ANKS1B: variants seen among roughly 807,000 people sequenced by gnomAD.
ANKS1B encodes ankyrin repeat and sterile alpha motif domain containing 1B, also known as ankyrin repeat and sterile alpha motif domain-containing protein 1B.
Under a neutral mutation model 148.3 loss-of-function variants are expected in ANKS1B, and 36 were observed. The observed-to-expected ratio is 0.24, with a 90% CI of 0.19 to 0.32. The LOEUF (loss-of-function observed/expected upper bound fraction) is 0.32. ANKS1B is among the 10% of genes least tolerant of loss of function. The probability of loss-of-function intolerance (pLI) is 1.00; values close to 1 mark genes in which losing one functional copy is unlikely to be tolerated. For synonymous variants in ANKS1B, 542 were observed against 560.8 expected, an observed-to-expected ratio of 0.97 and a Z score of 0.47; for missense variants, 1,157 against 1,542.6, an observed-to-expected ratio of 0.75 and a Z score of 4.19.
intron 17 of ANKS1B, among the ~76,000 whole-genome samples, chr12:98,876,729 C>T (rs2099691617): frequency 6.6e-6 from 1 of 152,134 alleles, no homozygotes; most frequent in Admixed American, 6.5e-5. Flanking sequence ...TGCAGAAGGA[C>T]CTCCATAATC....
chr12:99,730,515 C>T (rs936651747), intron 8 of ANKS1B, among the ~76,000 whole-genome samples: 1 of 152,162 alleles, frequency 6.6e-6, no homozygotes, highest in South Asian at 2.1e-4. Flanking sequence ...CAATCAGAAC[C>T]CCTATATCTC....
chr12:98,770,216 A>G (rs959917895), intron 25 of ANKS1B, among the ~76,000 whole-genome samples: 2 of 152,230 alleles, frequency 1.3e-5, no homozygotes, highest in East Asian at 3.8e-4. Flanking sequence ...TAGGACTGGG[A>G]AAAGTCCAGC....
chr12:99,667,041 C>T (rs948799216), intron 8 of ANKS1B, among the ~76,000 whole-genome samples: 2 of 152,026 alleles, frequency 1.3e-5, no homozygotes, highest in Non-Finnish European at 2.9e-5. Flanking sequence ...CAAATTTGTA[C>T]CAAATTTTAA....
intron 17 of ANKS1B, among the ~76,000 whole-genome samples, chr12:98,837,114 G>A (rs1184213943): frequency 1.3e-5 from 2 of 151,722 alleles, no homozygotes; most frequent in Non-Finnish European, 2.9e-5. Context: ...GGTGGATCAC[G>A]AGGTCAGGAG....
intron 4 of ANKS1B, among the ~76,000 whole-genome samples, chr12:99,802,360 T>G (rs1029972773): frequency 2.0e-5 from 3 of 152,090 alleles, no homozygotes; most frequent in Non-Finnish European, 2.9e-5. Flanking sequence ...CAAAATCAAG[T>G]TCAAAATTCA....
At chr12:99,548,127 C>A (rs955936035) in intron 9 of ANKS1B, among the ~76,000 whole-genome samples, 14 of 152,134 alleles carry the variant, frequency 9.2e-5, no homozygotes, top group African/African-American at 3.1e-4. Flanking sequence ...GGAAATTGGT[C>A]CACCTTTCCC....
intron 9 of ANKS1B, among the ~76,000 whole-genome samples, chr12:99,646,485 A>G (rs773588023): frequency 1.2e-4 from 18 of 151,802 alleles, no homozygotes; most frequent in East Asian, 5.8e-4. Context: ...GTGAAACCCC[A>G]TCTCTACTAA....
chr12:98,835,230 G>T (rs1443341947), intron 17 of ANKS1B, among the ~76,000 whole-genome samples: 1 of 152,074 alleles, frequency 6.6e-6, no homozygotes, highest in Admixed American at 6.5e-5. Context: ...TTTTGGGCAG[G>T]TTACCTGACT....
At chr12:99,834,337 G>A (rs2084486774) in intron 1 of ANKS1B, among the ~76,000 whole-genome samples, 3 of 152,112 alleles carry the variant, frequency 2.0e-5, no homozygotes, top group Non-Finnish European at 4.4e-5. Flanking sequence ...CTTGGTCTTA[G>A]TCTAATACAC....
chr12:99,175,120 G>T lies in ANKS1B; in HGVS notation c.2420-20725C>A, dbSNP rs377316188. ...TGAATTGTATAGTCACATGCATTTT[G>T]TTTTTTAAAATAATATAGAGACAAA... On this transcript the variant is annotated intron_variant, in intron 14 of 26. Coordinates refer to ENST00000683438, the MANE Select transcript of ANKS1B (RefSeq NM_001352186.2). Among the ~76,000 whole-genome samples, 12 of 152,220 alleles carry T rather than the reference G, an allele frequency of 7.9e-5. No homozygotes were observed. The East Asian group carries it at 1.9e-3, about 24-fold the overall frequency.
intron 12 of ANKS1B, among the ~76,000 whole-genome samples, chr12:99,350,956 T>C (rs2091345757): frequency 1.3e-5 from 2 of 152,132 alleles, no homozygotes; most frequent in Non-Finnish European, 2.9e-5. Context: ...CTCAAGTATT[T>C]TTCTCTTTTC....
At position 98,924,818 on chromosome 12, in the gene ANKS1B, A is replaced by G. The variant is rs546960990; in HGVS notation, c.2779-92682T>C. Among the ~76,000 whole-genome samples the G allele has an allele frequency of 2.6e-5, 4 of 152,334 alleles. No homozygotes were observed. In the East Asian group the frequency reaches 7.7e-4, roughly 29 times the overall value. Reference sequence around the variant, plus strand: ...ATAGTCTTCATCATACAGAGAAATTATTCCTTCTACTCCACTCCAAACTAA... The same window carrying G: ...ATAGTCTTCATCATACAGAGAAATTGTTCCTTCTACTCCACTCCAAACTAA... On this transcript the variant is annotated intron_variant, in intron 17 of 26. Transcript: ENST00000683438.
At chr12:99,105,685 C>T (rs998809696) in intron 15 of ANKS1B, among the ~76,000 whole-genome samples, 5 of 144,706 alleles carry the variant, frequency 3.5e-5, no homozygotes, top group Non-Finnish European at 7.5e-5. Context: ...AGGAGAATAG[C>T]GTGAACTCGG....
intron 11 of ANKS1B, among the ~76,000 whole-genome samples, chr12:99,427,906 T>C (rs1500733): frequency 0.21 from 31,311 of 151,962 alleles, 3,418 homozygotes; most frequent in Middle Eastern, 0.29. Context: ...CAAGAACAAG[T>C]CTCCTTTGGA....
chr12:99,777,973 TG>T (rs1388564483), intron 6 of ANKS1B, among the ~76,000 whole-genome samples: 1 of 150,660 alleles, frequency 6.6e-6, no homozygotes, highest in East Asian at 2.1e-4. Flanking sequence ...CCAAGGCGGG[TG>T]GCCCACAAAG....
At chr12:99,460,037 T>A (rs1393441599) in intron 10 of ANKS1B, among the ~76,000 whole-genome samples, 2 of 152,148 alleles carry the variant, frequency 1.3e-5, no homozygotes, top group African/African-American at 4.8e-5. Context: ...CAAAACAGCA[T>A]GGTACTGGTA....
At chr12:99,241,713 C>T (rs1330370859) in intron 14 of ANKS1B, among the ~76,000 whole-genome samples, 1 of 152,218 alleles carries the variant, frequency 6.6e-6, no homozygotes, top group African/African-American at 2.4e-5. Flanking sequence ...ATCAGATTGG[C>T]TTCATCCCTG....
intron 12 of ANKS1B, among the ~76,000 whole-genome samples, chr12:99,397,821 T>A (rs370679726): frequency 6.6e-6 from 1 of 152,288 alleles, no homozygotes; most frequent in East Asian, 1.9e-4. Flanking sequence ...ATAATTCTTA[T>A]CACGTTGAGG....
chr12:98,899,331 GTACTTTTCACTAAGTACCACAC>G (rs2099768966), intron 17 of ANKS1B, among the ~76,000 whole-genome samples: 2 of 152,140 alleles, frequency 1.3e-5, no homozygotes, highest in African/African-American at 2.4e-5. Flanking sequence ...CCAATATGTA[GTACTTTTCACTAAGTACCACAC>G]TACTTTTCAC....
Sources: allele counts gnomAD v4.1 joint callset (sites outside exome capture counted in the v4.1 genomes callset), GRCh38; gene constraint gnomAD v4.1.1; transcripts MANE v1.5; gene names NCBI Gene and HGNC (gene_info 2026-07-23, HGNC 2026-07-21).